Variants in VSNL1 observed in about 807,000 individuals in gnomAD.
VSNL1 encodes the protein visinin like 1, also known as visinin-like protein 1.
In VSNL1, 6 loss-of-function variants were observed where a neutral mutation model predicts 20.4. The observed-to-expected ratio is 0.29, with a 90% CI of 0.16 to 0.58. The LOEUF is 0.58. Ranked by LOEUF, VSNL1 falls within the 20% of genes least tolerant of loss-of-function variation. VSNL1 has a pLI of 0.90. For missense variants in VSNL1, 100 were observed against 234.5 expected, an observed-to-expected ratio of 0.43 and a Z score of 3.75; for synonymous variants, 93 against 86.4, an observed-to-expected ratio of 1.08 and a Z score of -0.42.
At chr2:17,553,460 G>A (rs1257971793) in intron 1 of VSNL1, among the ~76,000 whole-genome samples, 2 of 152,148 alleles carry the variant, frequency 1.3e-5, no homozygotes, top group Non-Finnish European at 2.9e-5. Context: ...TTATGTTACA[G>A]AGGTAACATA....
At chr2:17,567,603 G>C (rs942123947) in intron 1 of VSNL1, 1 of 151,808 alleles carries the variant, frequency 6.6e-6, no homozygotes, top group Non-Finnish European at 1.5e-5. Flanking sequence ...CTCGTGATCC[G>C]CCTGCCTCGG....
At chr2:17,636,673 C>T (rs548969164) in intron 2 of VSNL1, among the ~76,000 whole-genome samples, 10 of 152,080 alleles carry the variant, frequency 6.6e-5, no homozygotes, top group African/African-American at 1.4e-4. Flanking sequence ...GATGTAATTT[C>T]GATGTGTTTT....
At chr2:17,592,749 G>C (rs1664624900) in intron 2 of VSNL1, among the ~76,000 whole-genome samples, 1 of 147,940 alleles carries the variant, frequency 6.8e-6, no homozygotes, top group South Asian at 2.2e-4. Flanking sequence ...GAAAAGGGGT[G>C]GGGGAGTGTA....
rs902985739 is a variant in VSNL1 at position 17,655,472 on chromosome 2, C to T, written c.*78C>T. On this transcript the variant is annotated 3_prime_UTR_variant, in exon 4 of 4. Transcript: ENST00000295156. This position sits in a 1 kb window ranked among gnomAD's most constrained non-coding sequence, Gnocchi z 5.2. ...GCAGCTATTCACACACACACACACA[C>T]ACACACACACACACACACACACACA... 39 of 979,292 alleles carry T rather than the reference C, an allele frequency of 4.0e-5. No homozygotes were observed. Among genetic ancestry groups the T allele is most frequent in the Non-Finnish European group, 1.8e-5 (12 of 664,330 alleles). 60.7% of individuals were successfully genotyped at this position (979,292 alleles called of 1,614,324 possible). A position where few individuals can be genotyped will look rare whatever the true frequency, so the allele number is the denominator to read the frequency against.
rs1460346647 is a variant in VSNL1 at position 17,649,122 on chromosome 2, C to G, written c.163-288C>G. On this transcript the variant is annotated intron_variant, in intron 2 of 3. Transcript: ENST00000295156. The surrounding 1 kb of genome is among the most constrained non-coding windows in gnomAD (Gnocchi z 6.4). ...GGGAGTGAGCTGAGATGCTGCAACA[C>G]TAGCATCAGGTGGTGCTTGTTGACC... Among the ~76,000 whole-genome samples the G allele has an allele frequency of 2.0e-5, 3 of 152,178 alleles. No individual in the cohort carries two copies. Among genetic ancestry groups the G allele is most frequent in the African/African-American group, 7.2e-5 (3 of 41,442 alleles).
At chr2:17,578,137 A>C (rs1017894617) in intron 1 of VSNL1, among the ~76,000 whole-genome samples, 1 of 152,208 alleles carries the variant, frequency 6.6e-6, no homozygotes, top group African/African-American at 2.4e-5. Context: ...ATTAATATAC[A>C]CAATTTAATG....
chr2:17,652,690 A>G (rs542986782), intron 3 of VSNL1, among the ~76,000 whole-genome samples: 36 of 152,328 alleles, frequency 2.4e-4, no homozygotes, highest in Admixed American at 9.1e-4. Context: ...GAGCACCAAG[A>G]GTTGTTCAGC....
chr2:17,577,903 T>G (rs1190207172), intron 1 of VSNL1, among the ~76,000 whole-genome samples: 1 of 152,130 alleles, frequency 6.6e-6, no homozygotes, highest in Non-Finnish European at 1.5e-5. Flanking sequence ...AGGGTTCAAA[T>G]CCCAACTCTA....
chr2:17,591,226 C>A (rs1306570365), intron 1 of VSNL1, among the ~76,000 whole-genome samples: 1 of 152,062 alleles, frequency 6.6e-6, no homozygotes, highest in Non-Finnish European at 1.5e-5. Flanking sequence ...CTAAGTAACA[C>A]ATGTAGTAAT....
chr2:17,613,452 A>G (rs1665138973), intron 2 of VSNL1, among the ~76,000 whole-genome samples: 1 of 152,198 alleles, frequency 6.6e-6, no homozygotes, highest in South Asian at 2.1e-4. Flanking sequence ...AGCAAACAGA[A>G]GTTAGCCCTG....
At chr2:17,602,563 C>T (rs1037249365) in intron 2 of VSNL1, among the ~76,000 whole-genome samples, 12 of 152,074 alleles carry the variant, frequency 7.9e-5, no homozygotes, top group African/African-American at 2.7e-4. Context: ...GCCAACACGG[C>T]GAAACTCTGT....
At chr2:17,610,074 C>T (rs536279695) in intron 2 of VSNL1, among the ~76,000 whole-genome samples, 1 of 152,328 alleles carries the variant, frequency 6.6e-6, no homozygotes, top group Admixed American at 6.5e-5. Flanking sequence ...GCAGGGGCAT[C>T]AGGCAGTGCC....
intron 1 of VSNL1, among the ~76,000 whole-genome samples, chr2:17,545,141 A>T (rs563083670): frequency 2.6e-5 from 4 of 152,262 alleles, no homozygotes; most frequent in Admixed American, 2.0e-4. Context: ...TTGTCAATTA[A>T]ATATTTGTTC....
chr2:17,646,223 G>C (rs1038270230), intron 2 of VSNL1, among the ~76,000 whole-genome samples: 1 of 152,218 alleles, frequency 6.6e-6, no homozygotes, highest in African/African-American at 2.4e-5. Flanking sequence ...TAGAATCTCA[G>C]TAATTTCCTT....
intron 2 of VSNL1, among the ~76,000 whole-genome samples, chr2:17,596,979 A>G (rs993776710): frequency 2.0e-5 from 3 of 152,254 alleles, no homozygotes; most frequent in Non-Finnish European, 4.4e-5. Flanking sequence ...TTACACTTAC[A>G]CAGCCAGGAT....
chr2:17,631,112 T>C (rs1330395896), intron 2 of VSNL1, among the ~76,000 whole-genome samples: 2 of 152,162 alleles, frequency 1.3e-5, no homozygotes, highest in African/African-American at 4.8e-5. Flanking sequence ...AAGGAAAAAA[T>C]GGACTTTTCA....
At chr2:17,623,273 A>C (rs12993731) in intron 2 of VSNL1, among the ~76,000 whole-genome samples, 2 of 152,094 alleles carry the variant, frequency 1.3e-5, no homozygotes, top group Non-Finnish European at 2.9e-5. Context: ...GTAAGTAAGT[A>C]GGATACTTGT....
intron 2 of VSNL1, among the ~76,000 whole-genome samples, chr2:17,592,662 T>C (rs996499151): frequency 0.048 from 6,599 of 137,916 alleles, 418 homozygotes; most frequent in Middle Eastern, 0.079. Flanking sequence ...TTTTTTTTTT[T>C]TTTTTTTTTT....
chr2:17,606,367 T>A (rs1664944385), intron 2 of VSNL1, among the ~76,000 whole-genome samples: 1 of 152,238 alleles, frequency 6.6e-6, no homozygotes, highest in South Asian at 2.1e-4. Flanking sequence ...TCCAGCTGTT[T>A]GGCTGTAGGC....
Sources: allele counts gnomAD v4.1 joint callset (sites outside exome capture counted in the v4.1 genomes callset), GRCh38; gene constraint gnomAD v4.1.1; non-coding constraint Gnocchi (gnomAD v3.1); transcripts MANE v1.5; gene names NCBI Gene and HGNC (gene_info 2026-07-23, HGNC 2026-07-21).